The following TARDBP variants were observed in gnomAD, a reference collection of about 807,000 sequenced individuals.
TARDBP encodes the protein TAR DNA-binding protein 43.
In TARDBP, 4 loss-of-function variants were observed where a neutral mutation model predicts 38.3. The observed-to-expected ratio is 0.10, with a 90% confidence interval of 0.05 to 0.24. TARDBP has a LOEUF of 0.24. TARDBP is among the 10% of genes least tolerant of loss of function. The probability of loss-of-function intolerance (pLI) is 1.00; values close to 1 mark genes in which losing one functional copy is unlikely to be tolerated. For missense variants in TARDBP, 202 were observed against 521.9 expected (o/e 0.39, Z 5.97); for synonymous variants, 184 against 183.8 (o/e 1.00, Z -0.01).
At chr1:11,016,693 C>A in intron 2 of TARDBP, 151 bp from the exon 3 acceptor site, 1 of 751,110 alleles carries the variant, frequency 1.3e-6, no homozygotes, top group Non-Finnish European at 2.2e-6. Flanking sequence ...TTATTCTGTC[C>A]TCTAGAGCAA....
intron 5 of TARDBP, 145 bp from the exon 6 acceptor site, chr1:11,021,979 G>C (rs963088629): frequency 3.5e-6 from 3 of 869,338 alleles, no homozygotes; most frequent in African/African-American, 1.7e-5. Flanking sequence ...AAGCTGTATT[G>C]GGGGTTTAAA....
chr1:11,018,477 C>G (rs2100848212), intron 3 of TARDBP: 1 of 490,568 alleles, frequency 2.0e-6, no homozygotes. Context: ...GTGTGAGCCA[C>G]CGCGCCTGGC....
rs961045655 is a variant in TARDBP, at chr1:11,022,731, AATAC to A, written c.*81_*84del. On this transcript the variant is annotated 3_prime_UTR_variant, in exon 6 of 6. Coordinates refer to ENST00000240185, the MANE Select transcript of TARDBP (RefSeq NM_007375.4). The surrounding 1 kb of genome is among the most constrained non-coding windows in gnomAD (Gnocchi z 4.5). ...TAAACTCATGGTAAGTATATTGTAA[AATAC>A]ATATGTACTAAGAATTTTCAAAATT... is the stretch of plus-strand genomic sequence containing the variant. The A allele has an allele frequency of 6.4e-5, 98 of 1,541,308 alleles. No homozygotes were observed. The highest frequency in any genetic ancestry group is 2.3e-4 in the African/African-American group (17 of 72,602).
In TARDBP at chr1:11,020,473, G is replaced by A. The variant is rs1225734696; in HGVS notation, c.588G>A (p.Gly196=). The change falls in exon 5 of 6, where the codon GGG becomes GGA. Residue 196 remains glycine (G), a synonymous_variant. Coordinates refer to ENST00000240185, the MANE Select transcript of TARDBP (RefSeq NM_007375.4). ...TGAGAAGCAGAAAAGTGTTTGTGGG[G>A]CGCTGTACAGAGGACATGACTGAGG... The part of the protein sequence containing the change: ...EPLRSRKVFV[G]RCTEDMTEDE... 1.2e-6 allele frequency: 2 copies of A among 1,614,060 alleles called. No homozygotes were observed. Among genetic ancestry groups the A allele is most frequent in the African/African-American group, 2.7e-5 (2 of 74,984 alleles).
chr1:11,018,552 T>C, intron 3 of TARDBP, 181 bp from the exon 4 acceptor site: 1 of 792,214 alleles, frequency 1.3e-6, no homozygotes, highest in Non-Finnish European at 2.1e-6. Flanking sequence ...TGCTCTGTTG[T>C]TAACACAGTA....
At chr1:11,028,469 C>T (rs537139616), downstream of TARDBP, among the ~76,000 whole-genome samples, 1 of 152,212 alleles carries the variant, frequency 6.6e-6, no homozygotes, top group Admixed American at 6.5e-5. Flanking sequence ...GGCTAGGACC[C>T]TGTGGATTCC....
intron 2 of TARDBP, among the ~76,000 whole-genome samples, chr1:11,015,022 G>A (rs1465765913): frequency 4.6e-5 from 7 of 151,570 alleles, no homozygotes; most frequent in African/African-American, 1.2e-4. Flanking sequence ...CAGGAGAATC[G>A]CTTGAACCTG....
chr1:11,020,685 A>G, intron 5 of TARDBP, 86 bp downstream of exon 5: 2 of 1,468,482 alleles, frequency 1.4e-6, no homozygotes, highest in Non-Finnish European at 1.9e-6. Context: ...AGGCGGGTGG[A>G]TCACGAGGTC....
Position 11,013,691 on chromosome 1 carries a change from T to G in TARDBP, c.-12-25T>G. ...ACAGTTATTCTGACATGAATGTTGT[T>G]CATTCATATCTCTTTTCTCTTTAGG... On this transcript the variant is annotated intron_variant, in intron 1 of 5. Coordinates refer to ENST00000240185, the MANE Select transcript of TARDBP (RefSeq NM_007375.4). 2.0e-6 allele frequency: 3 copies of G among 1,492,922 alleles called. No individual in the cohort carries two copies. In the South Asian group the frequency reaches 3.5e-5, roughly 17 times the overall value. The allele number at this position is 1,492,922 out of a possible 1,614,324, so 92.5% of individuals were successfully genotyped here. A position where few individuals can be genotyped will look rare whatever the true frequency, so the allele number is the denominator to read the frequency against.
chr1:11,028,865 C>T (rs1000440594), downstream of TARDBP, among the ~76,000 whole-genome samples: 3 of 151,646 alleles, frequency 2.0e-5, no homozygotes, highest in African/African-American at 4.8e-5. Context: ...AGGCACACGC[C>T]ACCACACCTG....
chr1:11,022,456 A>G lies in TARDBP; in HGVS notation c.1047A>G (p.Pro349=), dbSNP rs1270802827. Residue 349 remains proline (P), a synonymous_variant, in exon 6 of 6, where the codon CCA becomes CCG. Coordinates refer to ENST00000240185, the MANE Select transcript of TARDBP (RefSeq NM_007375.4). The surrounding 1 kb of genome is among the most constrained non-coding windows in gnomAD (Gnocchi z 4.5). ...MLASQQNQSG[P]SGNNQNQGNM... Reference sequence around the variant, plus strand: ...CCAGCCAGCAGAACCAGTCAGGCCCATCGGGTAATAACCAAAACCAAGGCA... The same window carrying G: ...CCAGCCAGCAGAACCAGTCAGGCCCGTCGGGTAATAACCAAAACCAAGGCA... 10 of 1,612,560 alleles carry G rather than the reference A, an allele frequency of 6.2e-6. No individual in the cohort carries two copies. In the Admixed American group the frequency reaches 1.3e-4, roughly 22 times the overall value.
rs1643691912 is a variant in TARDBP, at chr1:11,024,368, C to G, written c.*1714C>G. 6.6e-6 allele frequency: 1 copy of G among 152,328 alleles called. No individual in the cohort carries two copies. The highest frequency in any genetic ancestry group is 1.5e-5 in the Non-Finnish European group (1 of 68,016). 9.4% of individuals were successfully genotyped at this position (152,328 alleles called of 1,614,324 possible). On this transcript the variant is annotated 3_prime_UTR_variant, in exon 6 of 6. Coordinates refer to ENST00000240185, the MANE Select transcript of TARDBP (RefSeq NM_007375.4). Reference sequence around the variant, plus strand: ...GTACCCTCCGGCTTTTTCTTAGTGCCTCTGTGCATTTGGGTGATGTTCTAT... The same window carrying G: ...GTACCCTCCGGCTTTTTCTTAGTGCGTCTGTGCATTTGGGTGATGTTCTAT...
chr1:11,020,025 G>A (rs956078437), intron 4 of TARDBP, among the ~76,000 whole-genome samples: 1 of 151,604 alleles, frequency 6.6e-6, no homozygotes, highest in Non-Finnish European at 1.5e-5. Context: ...CACCACACCC[G>A]GCTGATTTTT....
downstream of TARDBP, among the ~76,000 whole-genome samples, chr1:11,028,063 T>TA (rs1643769935): frequency 6.6e-6 from 1 of 151,912 alleles, no homozygotes. Flanking sequence ...CTCTACTACA[T>TA]ACACAAAAAT....
In TARDBP at chr1:11,023,285, C is replaced by A; in HGVS notation, c.*631C>A. On this transcript the variant is annotated 3_prime_UTR_variant, in exon 6 of 6. Transcript: ENST00000240185. The stretch of plus-strand genomic sequence containing the variant: ...TAGGAATACTGTCTACATGCTTTCT[C>A]ATTCAAGAATTCGTCATCACGCATC... 1 of 1,546,004 alleles carries A rather than the reference C, an allele frequency of 6.5e-7. No individual in the cohort carries two copies. The highest frequency in any genetic ancestry group is 2.4e-5 in the East Asian group (1 of 40,870).
downstream of TARDBP, chr1:11,030,419 G>T: frequency 1.7e-6 from 1 of 598,292 alleles, no homozygotes; most frequent in South Asian, 2.1e-5. Flanking sequence ...GCATTACCAT[G>T]TTTGCTTGCA....
chr1:11,026,948 A>G (rs1357743885), downstream of TARDBP: 3 of 1,539,198 alleles, frequency 1.9e-6, no homozygotes, highest in African/African-American at 1.4e-5. Context: ...TGTAGACTCC[A>G]TACTGACCTG....
intron 1 of TARDBP, among the ~76,000 whole-genome samples, chr1:11,013,110 C>G (rs1643444188): frequency 6.6e-6 from 1 of 152,252 alleles, no homozygotes; most frequent in South Asian, 2.1e-4. Context: ...CTGGCACGCG[C>G]GGGCTTCTGG....
At chr1:11,026,973 A>G (rs1643743935), downstream of TARDBP, 2 of 1,566,518 alleles carry the variant, frequency 1.3e-6, no homozygotes, top group Non-Finnish European at 1.7e-6. Context: ...CCCACAATTC[A>G]TGGAACCCCA....
Sources: allele counts gnomAD v4.1 joint callset (sites outside exome capture counted in the v4.1 genomes callset), GRCh38; gene constraint gnomAD v4.1.1; non-coding constraint Gnocchi (gnomAD v3.1); transcripts MANE v1.5; gene names NCBI Gene and HGNC (gene_info 2026-07-23, HGNC 2026-07-21).